Variants in TMC1 observed in about 807,000 individuals in gnomAD.
The protein encoded by TMC1 is transmembrane channel-like protein 1.
In TMC1, 84 loss-of-function variants were observed where a neutral mutation model predicts 105.8. The observed-to-expected ratio is 0.79, with a 90% CI of 0.67 to 0.95. The LOEUF (loss-of-function observed/expected upper bound fraction) is 0.95. Ranked by LOEUF, TMC1 falls within the 40% of genes least tolerant of loss-of-function variation. The pLI, the probability that TMC1 is intolerant of heterozygous loss-of-function variation, is 0.00. For missense variants in TMC1, 817 were observed against 914.1 expected (o/e 0.89, Z 1.37); for synonymous variants, 315 against 311.5 (o/e 1.01, Z -0.12).
At chr9:72,629,664 G>A (rs1031646188) in intron 4 of TMC1, among the ~76,000 whole-genome samples, 2 of 152,088 alleles carry the variant, frequency 1.3e-5, no homozygotes, top group Admixed American at 6.5e-5. Context: ...TCAAAGGCTT[G>A]AGAGCATATA....
intron 23 of TMC1, among the ~76,000 whole-genome samples, chr9:72,831,601 C>T (rs888972669): frequency 2.3e-4 from 35 of 152,200 alleles, no homozygotes; most frequent in Non-Finnish European, 2.5e-4. Context: ...CCCCACCGCA[C>T]GACAGGCCCC....
chr9:72,654,751 T>A lies in TMC1; in HGVS notation c.16+6087T>A, dbSNP rs189325373. ...AAAGAGATTTTTAAAAATAAGAAAA[T>A]AGTCTTTCATATTTTCTCATGTATT... On this transcript the variant is annotated intron_variant, in intron 5 of 23. Coordinates refer to ENST00000297784, the MANE Select transcript of TMC1 (RefSeq NM_138691.3). 8.5e-5 allele frequency among the ~76,000 whole-genome samples: 13 copies of A among 152,100 alleles called. No homozygotes were observed. In the East Asian group the frequency reaches 2.5e-3, roughly 29 times the overall value.
intron 2 of TMC1, among the ~76,000 whole-genome samples, chr9:72,594,892 G>A (rs1055938902): frequency 4.1e-5 from 6 of 147,756 alleles, no homozygotes; most frequent in African/African-American, 7.6e-5. Context: ...TTGAGACAGC[G>A]TCTCACTCTG....
chr9:72,799,696 C>T (rs1828437370), intron 17 of TMC1, among the ~76,000 whole-genome samples: 2 of 152,116 alleles, frequency 1.3e-5, no homozygotes, highest in Non-Finnish European at 2.9e-5. Context: ...GTCATCTGCA[C>T]TTAATACAGG....
chr9:72,700,477 A>G, intron 7 of TMC1, 41 bp from the exon 8 acceptor site: 1 of 1,519,506 alleles, frequency 6.6e-7, no homozygotes. Context: ...AAGTCAAGCA[A>G]AGCTTAACTT....
rs150618329 is a variant in TMC1, at chr9:72,709,402, T to A, written c.362+8759T>A. Among the ~76,000 whole-genome samples, 7 of 152,300 alleles carry A rather than the reference T, an allele frequency of 4.6e-5. No homozygotes were observed. In the East Asian group the frequency reaches 7.7e-4, roughly 17 times the overall value. On this transcript the variant is annotated intron_variant, in intron 8 of 23. Transcript: ENST00000297784. ...AGAATGATTTAGGGAGTACTCCCTC[T>A]TTCTCTTTCTTGTGGAATAGTGTCA...
At chr9:72,710,375 T>C (rs1826815781) in intron 8 of TMC1, among the ~76,000 whole-genome samples, 1 of 152,200 alleles carries the variant, frequency 6.6e-6, no homozygotes, top group Non-Finnish European at 1.5e-5. Context: ...GTTCTAGGTA[T>C]AGTTTTAATC....
chr9:72,811,711 G>A (rs1828708117), intron 18 of TMC1, among the ~76,000 whole-genome samples: 2 of 152,122 alleles, frequency 1.3e-5, no homozygotes, highest in African/African-American at 2.4e-5. Flanking sequence ...TTGCTCACTC[G>A]TAAGTGAGAG....
intron 2 of TMC1, among the ~76,000 whole-genome samples, chr9:72,582,267 T>G (rs1470255175): frequency 6.6e-6 from 1 of 152,200 alleles, no homozygotes. Context: ...GATAGCATCT[T>G]AACAATAAAC....
intron 2 of TMC1, among the ~76,000 whole-genome samples, chr9:72,604,922 A>G (rs955316799): frequency 6.6e-6 from 1 of 152,252 alleles, no homozygotes; most frequent in Non-Finnish European, 1.5e-5. Flanking sequence ...TCTGAAGAGT[A>G]TATATCATCA....
chr9:72,533,782 C>G (rs1823535341), intron 1 of TMC1, among the ~76,000 whole-genome samples: 1 of 152,140 alleles, frequency 6.6e-6, no homozygotes, highest in African/African-American at 2.4e-5. Context: ...CTCCCTTCCT[C>G]TCTCTCTTTT....
At chr9:72,767,584 A>G (rs943355318) in intron 12 of TMC1, among the ~76,000 whole-genome samples, 2 of 152,230 alleles carry the variant, frequency 1.3e-5, no homozygotes, top group Non-Finnish European at 2.9e-5. Flanking sequence ...CCTGGTAACC[A>G]TAATAAAAAC....
In TMC1 at chr9:72,752,211, T is replaced by A. The variant is rs1356928957; in HGVS notation, c.642+255T>A. Among the ~76,000 whole-genome samples, 3 of 152,318 alleles carry A rather than the reference T, an allele frequency of 2.0e-5. No homozygotes were observed. In the East Asian group the frequency reaches 5.8e-4, roughly 29 times the overall value. Reference sequence around the variant, plus strand: ...ATGTATGTTTAAATGTGTATTTTTATGTGGAAAGTTTCATGGCTTCTTTCA... The same window carrying A: ...ATGTATGTTTAAATGTGTATTTTTAAGTGGAAAGTTTCATGGCTTCTTTCA... On this transcript the variant is annotated intron_variant, in intron 11 of 23. Coordinates refer to ENST00000297784, the MANE Select transcript of TMC1 (RefSeq NM_138691.3).
chr9:72,806,492 T>G lies in TMC1; in HGVS notation c.1695+982T>G, dbSNP rs572814801. Among the ~76,000 whole-genome samples, 132 of 148,778 alleles carry G rather than the reference T, an allele frequency of 8.9e-4. 1 individual carries two copies. Among genetic ancestry groups the G allele is most frequent in the African/African-American group, 3.1e-3 (123 of 39,616 alleles). On this transcript the variant is annotated intron_variant, in intron 18 of 23. Transcript: ENST00000297784. ...GGTGGCTGCCGGGCGGAGAGGCTCC[T>G]CATTTCTCAGACGGGGCGGCTGCCG...
At chr9:72,715,249 T>C (rs916017373) in intron 8 of TMC1, among the ~76,000 whole-genome samples, 1 of 152,338 alleles carries the variant, frequency 6.6e-6, no homozygotes, top group Admixed American at 6.5e-5. Flanking sequence ...TTGGGGTTGC[T>C]CTTCTTGAGC....
At position 72,746,092 on chromosome 9, in the gene TMC1, G is replaced by A. The variant is rs1827484977; in HGVS notation, c.535+3567G>A. Among the ~76,000 whole-genome samples, 3 of 152,144 alleles carry A rather than the reference G, an allele frequency of 2.0e-5. 1 individual carries two copies. In the South Asian group the frequency reaches 6.2e-4, roughly 31 times the overall value. ...CTTCTCAAATTCTTTTTGAAATAAAGTTGGTTAAGTGTGTACCCTACTTAT... is the reference window on the plus strand; with the variant it reads ...CTTCTCAAATTCTTTTTGAAATAAAATTGGTTAAGTGTGTACCCTACTTAT... On this transcript the variant is annotated intron_variant, in intron 10 of 23. Coordinates refer to ENST00000297784, the MANE Select transcript of TMC1 (RefSeq NM_138691.3).
chr9:72,524,917 C>T (rs1404205231), intron 1 of TMC1, among the ~76,000 whole-genome samples: 3 of 152,156 alleles, frequency 2.0e-5, no homozygotes, highest in African/African-American at 7.2e-5. Flanking sequence ...TACTAATTAG[C>T]GTCGTTACCG....
intron 1 of TMC1, among the ~76,000 whole-genome samples, chr9:72,543,923 C>T (rs1224761850): frequency 6.8e-5 from 10 of 147,042 alleles, no homozygotes; most frequent in Non-Finnish European, 6.0e-5. Flanking sequence ...TAAAATGCTT[C>T]AATAGTTTCT....
At chr9:72,679,061 A>C (rs1826249017) in intron 5 of TMC1, among the ~76,000 whole-genome samples, 1 of 151,996 alleles carries the variant, frequency 6.6e-6, no homozygotes, top group Non-Finnish European at 1.5e-5. Flanking sequence ...TATTTTAATC[A>C]ATGTTCTTTC....
Sources: allele counts gnomAD v4.1 joint callset (sites outside exome capture counted in the v4.1 genomes callset), GRCh38; gene constraint gnomAD v4.1.1; transcripts MANE v1.5; gene names NCBI Gene and HGNC (gene_info 2026-07-23, HGNC 2026-07-21).